PNLDC1: variants seen among roughly 807,000 people sequenced by gnomAD.
The protein encoded by PNLDC1 is PARN like ribonuclease domain containing exonuclease 1, also known as poly(A)-specific ribonuclease PNLDC1.
A neutral mutation model predicts 82.0 loss-of-function variants in PNLDC1; 70 were observed. The ratio of observed to expected loss-of-function variants is 0.85; its 90% CI spans 0.70 to 1.04. The LOEUF (loss-of-function observed/expected upper bound fraction) is 1.04, where lower values mean the gene tolerates loss of function less well. PNLDC1 is among the 50% of genes least tolerant of loss of function. The probability of loss-of-function intolerance (pLI) is 0.00; values close to 1 mark genes in which losing one functional copy is unlikely to be tolerated. For synonymous variants in PNLDC1, 280 were observed against 249.3 expected, an observed-to-expected ratio of 1.12 and a Z score of -1.16; for missense variants, 631 against 661.1, an observed-to-expected ratio of 0.95 and a Z score of 0.50.
At chr6:159,812,893 C>T (rs1263088051) in intron 11 of PNLDC1, among the ~76,000 whole-genome samples, 2 of 152,130 alleles carry the variant, frequency 1.3e-5, no homozygotes, top group African/African-American at 2.4e-5. Flanking sequence ...CATGTTGGTG[C>T]ACACCTCCAG....
At chr6:159,807,273 G>T (rs894065361) in intron 7 of PNLDC1, among the ~76,000 whole-genome samples, 3 of 152,096 alleles carry the variant, frequency 2.0e-5, no homozygotes, top group African/African-American at 7.2e-5. Flanking sequence ...TCAATGAAAA[G>T]AGCTTGTTGG....
intron 7 of PNLDC1, among the ~76,000 whole-genome samples, chr6:159,807,384 ACT>A (rs1320657956): frequency 2.9e-5 from 4 of 136,482 alleles, no homozygotes; most frequent in Admixed American, 7.9e-5. Flanking sequence ...ACACAATGAG[ACT>A]CTGTTTCAAA....
At chr6:159,809,270 C>G in intron 9 of PNLDC1, 112 bp downstream of exon 9, 3 of 1,365,752 alleles carry the variant, frequency 2.2e-6, no homozygotes, top group Non-Finnish European at 3.0e-6. Flanking sequence ...TAAGTGATTC[C>G]TTCTCATGAA....
Position 159,800,331 on chromosome 6 carries a change from C to A in PNLDC1, c.24C>A (p.Phe8Leu). MDVGADEFEESLPLLQEL... is the reference protein window; with the variant it reads MDVGADELEESLPLLQEL... Reference sequence around the variant, plus strand: ...CCATGGACGTGGGCGCCGACGAGTTCGAGGAGAGCCTCCCTCTGCTGCAGG... The same window carrying A: ...CCATGGACGTGGGCGCCGACGAGTTAGAGGAGAGCCTCCCTCTGCTGCAGG... Residue 8 changes from phenylalanine (F) to leucine (L), a missense_variant, in exon 1 of 19, where the codon TTC (phenylalanine) becomes TTA (leucine). Phe to Leu is a conservative substitution (Grantham distance 22, BLOSUM62 0). Coordinates refer to ENST00000392167, the MANE Select transcript of PNLDC1 (RefSeq NM_001271862.2). 4 of 1,547,152 alleles carry A rather than the reference C, an allele frequency of 2.6e-6. No homozygotes were observed. The highest frequency in any genetic ancestry group is 1.2e-5 in the South Asian group (1 of 83,832).
intron 3 of PNLDC1, among the ~76,000 whole-genome samples, chr6:159,802,433 G>A (rs894534135): frequency 1.3e-5 from 2 of 152,022 alleles, no homozygotes; most frequent in East Asian, 3.9e-4. Flanking sequence ...GAATGATGCT[G>A]AACGTGTGTG....
chr6:159,801,039 G>T (rs747876212), intron 2 of PNLDC1, 74 bp from the exon 3 acceptor site: 7 of 1,532,272 alleles, frequency 4.6e-6, no homozygotes, highest in Non-Finnish European at 6.3e-6. Context: ...TGCGAGTGGT[G>T]GTCCTGCCGC....
At chr6:159,815,072 C>T (rs1781769670) in intron 12 of PNLDC1, among the ~76,000 whole-genome samples, 1 of 152,244 alleles carries the variant, frequency 6.6e-6, no homozygotes, top group African/African-American at 2.4e-5. Flanking sequence ...CACACCATCT[C>T]CATTCACCCA....
intron 15 of PNLDC1, among the ~76,000 whole-genome samples, chr6:159,817,481 C>T (rs1435851571): frequency 1.3e-5 from 2 of 152,248 alleles, no homozygotes; most frequent in African/African-American, 4.8e-5. Context: ...GCTTGATTGT[C>T]TCTCACTTGC....
In PNLDC1 at chr6:159,816,560, C is replaced by A. The variant is rs1781838024; in HGVS notation, c.1078C>A (p.His360Asn). 6.2e-7 allele frequency: 1 copy of A among 1,613,784 alleles called. No homozygotes were observed. ...CEKYVETKCP[H>N]EAAYDAFLCG... is the part of the protein sequence containing the mutation. Reference sequence around the variant, plus strand: ...TGCCTCAGTTGAGACAAAGTGCCCCCACGAAGCCGCGTATGATGCCTTCCT... The same window carrying A: ...TGCCTCAGTTGAGACAAAGTGCCCCAACGAAGCCGCGTATGATGCCTTCCT... Residue 360 changes from histidine to asparagine, a missense_variant, in exon 14 of 19, where the codon CAC (histidine) becomes AAC (asparagine). By Grantham distance (68) the His-to-Asn change is moderately conservative. Transcript: ENST00000392167.
rs745644946 is a variant in PNLDC1 at position 159,817,184 on chromosome 6, A to G, written c.1157+33A>G. On this transcript the variant is annotated intron_variant, in intron 15 of 18. Transcript: ENST00000392167. ...TTCTTTCTTTTCATCCTACTGTTCAATCGGTGGTCAGGATTTATTGAGCCC... is the reference window on the plus strand; with the variant it reads ...TTCTTTCTTTTCATCCTACTGTTCAGTCGGTGGTCAGGATTTATTGAGCCC... 5.0e-5 allele frequency: 80 copies of G among 1,589,692 alleles called. No individual in the cohort carries two copies. In the East Asian group the frequency reaches 1.7e-3, roughly 33 times the overall value.
chr6:159,816,014 G>A lies in PNLDC1; in HGVS notation c.1041G>A (p.Ala347=), dbSNP rs200323574. 325 of 1,612,688 alleles carry A rather than the reference G, an allele frequency of 2.0e-4. 1 individual carries two copies. The highest frequency in any genetic ancestry group is 7.4e-4 in the South Asian group (67 of 90,988). ...TKNSGPEIVH[A]SRCEKYVETK... is the part of the protein sequence containing the mutation. ...ATTCTGGACCAGAGATTGTTCACGC[G>A]AGCAGGTGTGAGAAATATGGTACGT... Residue 347 remains alanine, a synonymous_variant, in exon 13 of 19, where the codon GCG becomes GCA. Coordinates refer to ENST00000392167, the MANE Select transcript of PNLDC1 (RefSeq NM_001271862.2).
chr6:159,809,986 T>A (rs1351047693), intron 9 of PNLDC1, 40 bp from the exon 10 acceptor site: 1 of 1,538,004 alleles, frequency 6.5e-7, no homozygotes. Flanking sequence ...CTGGATTACA[T>A]TTTTTTATTT....
chr6:159,818,757 C>A, intron 16 of PNLDC1, 103 bp downstream of exon 16: 1 of 1,279,744 alleles, frequency 7.8e-7, no homozygotes, highest in Non-Finnish European at 1.1e-6. Flanking sequence ...TTTCGGTGGT[C>A]GGTGAGATGA....
intron 6 of PNLDC1, chr6:159,805,765 T>C: frequency 1.9e-6 from 1 of 536,274 alleles, no homozygotes. Context: ...ATTGAATATA[T>C]GCCTGGATCC....
At chr6:159,805,823 A>T (rs77814130) in intron 6 of PNLDC1, 160 bp from the exon 7 acceptor site, 6 of 622,394 alleles carry the variant, frequency 9.6e-6, no homozygotes, top group Non-Finnish European at 1.8e-5. Flanking sequence ...TTCCTATTGC[A>T]TAAGAGCCTC....
rs1209308204 is a variant in PNLDC1, at chr6:159,816,570, C to T, written c.1088C>T (p.Ala363Val). The change falls in exon 14 of 19, where the codon GCG (alanine) becomes GTG (valine). Residue 363 changes from alanine to valine, a missense_variant. Transcript: ENST00000392167. The part of the protein sequence containing the change: ...YVETKCPHEA[A>V]YDAFLCGSVL... The stretch of plus-strand genomic sequence containing the variant: ...GAGACAAAGTGCCCCCACGAAGCCG[C>T]GTATGATGCCTTCCTCTGTGGGTCA... 3.7e-6 allele frequency: 6 copies of T among 1,613,602 alleles called. No homozygotes were observed. Among genetic ancestry groups the T allele is most frequent in the Admixed American group, 1.7e-5 (1 of 59,970 alleles).
chr6:159,816,084 T>A, intron 13 of PNLDC1, 51 bp downstream of exon 13: 1 of 1,386,828 alleles, frequency 7.2e-7, no homozygotes, highest in Non-Finnish European at 9.7e-7. Flanking sequence ...AGTGCTGAGG[T>A]GCTCAGCTGA....
chr6:159,808,657 C>T, intron 7 of PNLDC1, 83 bp from the exon 8 acceptor site: 1 of 1,306,056 alleles, frequency 7.7e-7, no homozygotes, highest in Non-Finnish European at 1.1e-6. Context: ...TCCATCTCAG[C>T]TTCTGCTCCT....
At chr6:159,801,046 C>T in intron 2 of PNLDC1, 67 bp from the exon 3 acceptor site, 1 of 1,552,560 alleles carries the variant, frequency 6.4e-7, no homozygotes, top group Non-Finnish European at 8.9e-7. Flanking sequence ...GGTGGTCCTG[C>T]CGCGGAGGCC....
Sources: gnomAD v4.1 joint callset for allele counts (sites outside exome capture counted in the v4.1 genomes callset) on GRCh38, gnomAD v4.1.1 for gene constraint, MANE v1.5 for transcripts, NCBI Gene and HGNC (gene_info 2026-07-23, HGNC 2026-07-21) for gene names.